ZNF48: variants seen among roughly 807,000 people sequenced by gnomAD.
ZNF48 encodes the protein zinc finger protein 553.
A neutral mutation model predicts 40.0 loss-of-function variants in ZNF48; 20 were observed. The ratio of observed to expected loss-of-function variants is 0.50; its 90% confidence interval spans 0.35 to 0.73. ZNF48 has a LOEUF of 0.73. ZNF48 is among the 30% of genes least tolerant of loss of function. The pLI, the probability that ZNF48 is intolerant of heterozygous loss-of-function variation, is 0.01. For synonymous variants in ZNF48, 298 were observed against 329.7 expected (o/e 0.90, Z 1.04); for missense variants, 726 against 851.9 (o/e 0.85, Z 1.84).
chr16:30,393,250 T>C (rs1417613879), upstream of ZNF48, among the ~76,000 whole-genome samples: 1 of 151,294 alleles, frequency 6.6e-6, no homozygotes, highest in Non-Finnish European at 1.5e-5. Context: ...CTAATTTTTT[T>C]ATTTTTAGTA....
chr16:30,382,037 T>C lies in ZNF48; in HGVS notation c.-16+3627T>C, dbSNP rs1056658154. 3.1e-6 allele frequency: 5 copies of C among 1,590,664 alleles called. 1 individual carries two copies. In the South Asian group the frequency reaches 5.6e-5, roughly 18 times the overall value. The stretch of plus-strand genomic sequence containing the variant: ...ACCTGAGTCCCCAGATGGAAAAGAC[T>C]AGGGTGTAACCTGGGGACAGGGGCT... On this transcript the variant is annotated intron_variant, in intron 1 of 2. Transcript: ENST00000528032. This position sits in a 1 kb window ranked among gnomAD's most constrained non-coding sequence, Gnocchi z 4.8.
rs1206240557 is a variant in ZNF48 at position 30,381,864 on chromosome 16, C to T, written c.-16+3454C>T. 2 of 1,614,134 alleles carry T rather than the reference C, an allele frequency of 1.2e-6. No homozygotes were observed. The highest frequency in any genetic ancestry group is 1.3e-5 in the African/African-American group (1 of 75,026). On this transcript the variant is annotated intron_variant, in intron 1 of 2. Coordinates refer to the ZNF48 transcript ENST00000528032. The surrounding 1 kb of genome is among the most constrained non-coding windows in gnomAD (Gnocchi z 4.3). The stretch of plus-strand genomic sequence containing the variant: ...TCTCTACGCCCCGGCGCTCAATGGC[C>T]AGGGTCTGTGTCAAGCGAGCTGTGG...
At chr16:30,378,689 C>T (rs147923586) in intron 1 of ZNF48, 2 of 1,607,492 alleles carry the variant, frequency 1.2e-6, no homozygotes, top group Non-Finnish European at 1.7e-6. Flanking sequence ...GGCGCTCTGG[C>T]GGGAAAGCTT....
Position 30,382,247 on chromosome 16 carries a change from C to A in ZNF48, c.-16+3837C>A, listed in dbSNP as rs148073093. On this transcript the variant is annotated intron_variant, in intron 1 of 2. Coordinates refer to the ZNF48 transcript ENST00000528032. This position sits in a 1 kb window ranked among gnomAD's most constrained non-coding sequence, Gnocchi z 4.8. Reference sequence around the variant, plus strand: ...CAGGGCCTCCTAAGGACATCCCCTCCGCAGTTCCCTCTCCAAAACCCCCAG... The same window carrying A: ...CAGGGCCTCCTAAGGACATCCCCTCAGCAGTTCCCTCTCCAAAACCCCCAG... 2 of 1,612,814 alleles carry A rather than the reference C, an allele frequency of 1.2e-6. No homozygotes were observed. The highest frequency in any genetic ancestry group is 1.7e-6 in the Non-Finnish European group (2 of 1,178,992).
At chr16:30,395,097 GTCTTTGGATCCC>G (rs1167153419), upstream of ZNF48, 1 of 398,744 alleles carries the variant, frequency 2.5e-6, no homozygotes, top group East Asian at 8.3e-5. This position sits in a 1 kb window ranked among gnomAD's most constrained non-coding sequence, Gnocchi z 5.9. Flanking sequence ...CCCCGGGTCC[GTCTTTGGATCCC>G]TCTTTCTTTG....
chr16:30,381,909 A>G lies in ZNF48; in HGVS notation c.-16+3499A>G, dbSNP rs2049854938. ...CTGTGGGATGGGGGAGAGGTCAGGGATCCGGGGAGGCTCTGAGGCAGAATT... is the reference window on the plus strand; with the variant it reads ...CTGTGGGATGGGGGAGAGGTCAGGGGTCCGGGGAGGCTCTGAGGCAGAATT... On this transcript the variant is annotated intron_variant, in intron 1 of 2. Coordinates refer to the ZNF48 transcript ENST00000528032. The surrounding 1 kb of genome is among the most constrained non-coding windows in gnomAD (Gnocchi z 4.3). The G allele has an allele frequency of 1.2e-6, 2 of 1,613,676 alleles. No homozygotes were observed. The highest frequency in any genetic ancestry group is 1.7e-6 in the Non-Finnish European group (2 of 1,179,810).
In ZNF48 at chr16:30,395,527, C is replaced by A; in HGVS notation, c.-67C>A. On this transcript the variant is annotated 5_prime_UTR_variant, in exon 1 of 3. It adds an upstream start codon to the 5' untranslated region. Transcript: ENST00000613509. The surrounding 1 kb of genome is among the most constrained non-coding windows in gnomAD (Gnocchi z 5.9). ...TGGCGGCTCGGGCGCCTGCACCCCG[C>A]TGAGGAGCTCCGGAGGGCGCCGGGG... The A allele has an allele frequency of 3.7e-6, 1 of 272,286 alleles. No individual in the cohort carries two copies. The highest frequency in any genetic ancestry group is 7.1e-6 in the Non-Finnish European group (1 of 140,958). The allele number at this position is 272,286 out of a possible 1,614,324, so 16.9% of individuals were successfully genotyped here. A position where few individuals can be genotyped will look rare whatever the true frequency, so the allele number is the denominator to read the frequency against.
chr16:30,396,761 C>G (rs2049988287), intron 2 of ZNF48, among the ~76,000 whole-genome samples: 1 of 148,042 alleles, frequency 6.8e-6, no homozygotes, highest in Non-Finnish European at 1.5e-5. Context: ...ACAATCACAG[C>G]TCACTGCAGC....
At position 30,382,722 on chromosome 16, in the gene ZNF48, C is replaced by T; in HGVS notation, c.-16+4312C>T. Reference sequence around the variant, plus strand: ...ACCTCCTGGACCCCTTTGCCCATCACCTGTCTACGTACCTTCAACCCTCCA... The same window carrying T: ...ACCTCCTGGACCCCTTTGCCCATCATCTGTCTACGTACCTTCAACCCTCCA... On this transcript the variant is annotated intron_variant, in intron 1 of 2. Transcript: ENST00000528032. The surrounding 1 kb of genome is among the most constrained non-coding windows in gnomAD (Gnocchi z 4.8). 2 of 1,536,228 alleles carry T rather than the reference C, an allele frequency of 1.3e-6. No homozygotes were observed. The highest frequency in any genetic ancestry group is 4.9e-5 in the East Asian group (2 of 40,908).
chr16:30,382,526 A>G lies in ZNF48; in HGVS notation c.-16+4116A>G, dbSNP rs749262483. 4 of 1,592,358 alleles carry G rather than the reference A, an allele frequency of 2.5e-6. No individual in the cohort carries two copies. The East Asian group carries it at 6.8e-5, about 27-fold the overall frequency. On this transcript the variant is annotated intron_variant, in intron 1 of 2. Transcript: ENST00000528032. The surrounding 1 kb of genome is among the most constrained non-coding windows in gnomAD (Gnocchi z 4.8). ...AGGTTTCTGGGTGTAAGGACTCACC[A>G]TGACTCCGCCAGCCATCACTGCACC...
rs567344240 is a variant in ZNF48, at chr16:30,380,760, ACT to A, written c.-16+2353_-16+2354del. On this transcript the variant is annotated intron_variant, in intron 1 of 2. Transcript: ENST00000528032. ...ACTGCAGCCTGGGCCACAGAGTGAGACTCTATCTAAAAAAAAAAAGAGAGAGA... is the reference window on the plus strand; with the variant it reads ...ACTGCAGCCTGGGCCACAGAGTGAGACTATCTAAAAAAAAAAAGAGAGAGA... The A allele has an allele frequency of 1.4e-5, 4 of 279,988 alleles. No homozygotes were observed. The East Asian group carries it at 3.7e-4, about 26-fold the overall frequency. The allele number at this position is 279,988 out of a possible 1,614,324, so 17.3% of individuals were successfully genotyped here.
In ZNF48 at chr16:30,382,005, G is replaced by C; in HGVS notation, c.-16+3595G>C. 1 of 1,601,468 alleles carries C rather than the reference G, an allele frequency of 6.2e-7. No homozygotes were observed. ...GGAGGAAAGTCTCAGAAAAAAAGCAGTCAACTACCTGAGTCCCCAGATGGA... is the reference window on the plus strand; with the variant it reads ...GGAGGAAAGTCTCAGAAAAAAAGCACTCAACTACCTGAGTCCCCAGATGGA... On this transcript the variant is annotated intron_variant, in intron 1 of 2. Coordinates refer to the ZNF48 transcript ENST00000528032. The surrounding 1 kb of genome is among the most constrained non-coding windows in gnomAD (Gnocchi z 4.8).
At chr16:30,394,912 C>A (rs936814925), upstream of ZNF48, 13 of 319,628 alleles carry the variant, frequency 4.1e-5, no homozygotes, top group East Asian at 9.9e-4. Context: ...CTGCCTCTAG[C>A]CTCTGCTCCT....
chr16:30,398,176 G>A lies in ZNF48; in HGVS notation c.926G>A (p.Gly309Glu). 2 of 1,614,106 alleles carry A rather than the reference G, an allele frequency of 1.2e-6. No homozygotes were observed. The highest frequency in any genetic ancestry group is 2.7e-5 in the African/African-American group (2 of 75,060). Residue 309 changes from glycine (G) to glutamate (E), a missense_variant, in exon 3 of 3, where the codon GGA becomes GAA. Gly to Glu is a moderately conservative substitution (Grantham distance 98). This residue lies in a region of ZNF48 where 378 missense variants were observed against 449.1 expected (regional missense o/e 0.84). Transcript: ENST00000613509. This position sits in a 1 kb window ranked among gnomAD's most constrained non-coding sequence, Gnocchi z 6.6. ...GPKPFGCDVC[G>E]KEFARGSDLV... The stretch of plus-strand genomic sequence containing the variant: ...AAGCCCTTTGGCTGTGATGTGTGTG[G>A]AAAGGAGTTTGCCCGGGGATCCGAC...
rs1057021810 is a variant in ZNF48 at position 30,398,484 on chromosome 16, C to G, written c.1234C>G (p.Leu412Val). 1 of 1,587,308 alleles carries G rather than the reference C, an allele frequency of 6.3e-7. No homozygotes were observed. The highest frequency in any genetic ancestry group is 1.3e-5 in the African/African-American group (1 of 74,350). Residue 412 changes from leucine (L) to valine (V), a missense_variant, in exon 3 of 3, where the codon CTG becomes GTG. Around this residue, in one of 5 missense-constraint regions of ZNF48, gnomAD observed 378 missense variants for 449.1 expected, o/e 0.84. Coordinates refer to ENST00000613509, the MANE Select transcript of ZNF48 (RefSeq NM_001214909.2). This position sits in a 1 kb window ranked among gnomAD's most constrained non-coding sequence, Gnocchi z 6.6. Reference sequence around the variant, plus strand: ...ACCTCCTCTGGGCACCAGCCCCCCGCTGACACCTCGAAGTCCCTCACACTC... The same window carrying G: ...ACCTCCTCTGGGCACCAGCCCCCCGGTGACACCTCGAAGTCCCTCACACTC... ...PPPPLGTSPP[L>V]TPRSPSHSGE... is the part of the protein sequence containing the mutation.
intron 2 of ZNF48, among the ~76,000 whole-genome samples, chr16:30,396,872 T>C (rs2049989186): frequency 6.6e-6 from 1 of 151,768 alleles, no homozygotes; most frequent in Admixed American, 6.6e-5. Context: ...TATTTTTTTT[T>C]GTAGAGTTAG....
At chr16:30,389,476 G>A (rs1344313176) in intron 1 of ZNF48, among the ~76,000 whole-genome samples, 1 of 151,596 alleles carries the variant, frequency 6.6e-6, no homozygotes, top group Non-Finnish European at 1.5e-5. Flanking sequence ...GGGAGGCTGA[G>A]GCAGAAGAAT....
intron 1 of ZNF48, chr16:30,379,361 A>T: frequency 6.8e-7 from 1 of 1,464,616 alleles, no homozygotes; most frequent in Non-Finnish European, 9.5e-7. Context: ...CCCCAACTTC[A>T]CATGTTGAGT....
In ZNF48 at chr16:30,381,013, C is replaced by G; in HGVS notation, c.-16+2603C>G. 1 of 871,718 alleles carries G rather than the reference C, an allele frequency of 1.1e-6. No homozygotes were observed. Among genetic ancestry groups the G allele is most frequent in the Non-Finnish European group, 1.9e-6 (1 of 522,572 alleles). 54.0% of individuals were successfully genotyped at this position (871,718 alleles called of 1,614,324 possible). A position where few individuals can be genotyped will look rare whatever the true frequency, so the allele number is the denominator to read the frequency against. On this transcript the variant is annotated intron_variant, in intron 1 of 2. Coordinates refer to the ZNF48 transcript ENST00000528032. This position sits in a 1 kb window ranked among gnomAD's most constrained non-coding sequence, Gnocchi z 4.3. ...CCGCCTTCCTCAGAAGCTTCTCCTACAATCTAGCCTGATGCACCATGCTCC... is the reference window on the plus strand; with the variant it reads ...CCGCCTTCCTCAGAAGCTTCTCCTAGAATCTAGCCTGATGCACCATGCTCC...
Sources: allele counts gnomAD v4.1 joint callset (sites outside exome capture counted in the v4.1 genomes callset), GRCh38; gene constraint gnomAD v4.1.1; regional missense constraint gnomAD v4.1.1; non-coding constraint Gnocchi (gnomAD v3.1); transcripts MANE v1.5; gene names NCBI Gene and HGNC (gene_info 2026-07-23, HGNC 2026-07-21).